STXBP5L: variants seen among roughly 807,000 people sequenced by gnomAD.
The protein encoded by STXBP5L is syntaxin-binding protein 5-like.
Under a neutral mutation model 144.5 loss-of-function variants are expected in STXBP5L, and 65 were observed. The ratio of observed to expected loss-of-function variants is 0.45; its 90% CI spans 0.37 to 0.55. The LOEUF is 0.55. STXBP5L is among the 20% of genes least tolerant of loss of function. STXBP5L has a pLI of 0.00. For missense variants in STXBP5L, 1,298 were observed against 1,405.5 expected (o/e 0.92, Z 1.22); for synonymous variants, 505 against 469.6 (o/e 1.08, Z -0.97).
At chr3:120,979,275 C>G (rs973751659) in intron 3 of STXBP5L, among the ~76,000 whole-genome samples, 1 of 152,246 alleles carries the variant, frequency 6.6e-6, no homozygotes, top group Non-Finnish European at 1.5e-5. Context: ...CCCAGCCTCA[C>G]TGCCGCCTTG....
intron 11 of STXBP5L, among the ~76,000 whole-genome samples, chr3:121,228,381 A>G (rs1376954146): frequency 6.6e-6 from 1 of 152,166 alleles, no homozygotes; most frequent in Non-Finnish European, 1.5e-5. Context: ...ACATAAAGAA[A>G]AGCCAAGAGT....
At chr3:121,280,018 A>G in intron 19 of STXBP5L, 62 bp downstream of exon 19, 1 of 1,553,696 alleles carries the variant, frequency 6.4e-7, no homozygotes, top group Non-Finnish European at 8.7e-7. Flanking sequence ...TTATTTTTAG[A>G]TTTCTTGTCT....
chr3:121,007,249 A>C (rs558672975), intron 3 of STXBP5L, among the ~76,000 whole-genome samples: 1 of 152,062 alleles, frequency 6.6e-6, no homozygotes, highest in Non-Finnish European at 1.5e-5. Context: ...CTTGATTATG[A>C]TACATTATCT....
At position 120,962,715 on chromosome 3, in the gene STXBP5L, G is replaced by C. The variant is rs547334633; in HGVS notation, c.287+7678G>C. The stretch of plus-strand genomic sequence containing the variant: ...TAGTTTGAAGTCAGGTAGCATGATG[G>C]CTCCAGCTTTGTTCATTTTGCTTAG... On this transcript the variant is annotated intron_variant, in intron 3 of 26. Transcript: ENST00000471454. 1.1e-4 allele frequency among the ~76,000 whole-genome samples: 17 copies of C among 152,172 alleles called. No individual in the cohort carries two copies. The East Asian group carries it at 1.5e-3, about 14-fold the overall frequency.
intron 20 of STXBP5L, among the ~76,000 whole-genome samples, chr3:121,368,597 T>C (rs1432987457): frequency 6.6e-6 from 1 of 152,160 alleles, no homozygotes. Flanking sequence ...GTAATAACTC[T>C]GGAAATCATA....
At chr3:121,376,984 G>A (rs966375485) in intron 20 of STXBP5L, among the ~76,000 whole-genome samples, 18 of 152,046 alleles carry the variant, frequency 1.2e-4, no homozygotes, top group Admixed American at 9.8e-4. Flanking sequence ...TATTCTCTTT[G>A]AAGCAATTGT....
At chr3:121,382,922 G>A (rs2108685286) in intron 22 of STXBP5L, among the ~76,000 whole-genome samples, 1 of 152,092 alleles carries the variant, frequency 6.6e-6, no homozygotes, top group African/African-American at 2.4e-5. Flanking sequence ...GATTTAATGG[G>A]AAGCTATCTT....
At chr3:121,015,942 C>G (rs1945114836) in intron 3 of STXBP5L, among the ~76,000 whole-genome samples, 1 of 152,108 alleles carries the variant, frequency 6.6e-6, no homozygotes, top group Admixed American at 6.6e-5. Flanking sequence ...TTTTCCTTCT[C>G]CCACATCTTA....
intron 5 of STXBP5L, among the ~76,000 whole-genome samples, chr3:121,084,478 A>T (rs2042395415): frequency 6.6e-6 from 1 of 152,096 alleles, no homozygotes; most frequent in East Asian, 1.9e-4. Context: ...TGTTCCTGTG[A>T]TACATGGCTG....
At chr3:121,006,911 A>G (rs577379293) in intron 3 of STXBP5L, among the ~76,000 whole-genome samples, 9 of 152,306 alleles carry the variant, frequency 5.9e-5, no homozygotes, top group Non-Finnish European at 1.2e-4. Context: ...GTTTCTGCTG[A>G]GAGATCACCT....
chr3:120,934,270 G>A (rs527507587), intron 2 of STXBP5L, among the ~76,000 whole-genome samples: 11 of 152,036 alleles, frequency 7.2e-5, no homozygotes, highest in African/African-American at 2.4e-4. Context: ...CTATTTAGAA[G>A]TGTGTTGTCT....
chr3:121,250,818 C>A (rs1577304935), intron 15 of STXBP5L, 55 bp downstream of exon 15: 8 of 1,447,664 alleles, frequency 5.5e-6, no homozygotes, highest in Non-Finnish European at 7.6e-6. Context: ...TTACTTATAG[C>A]CAGCTACCAC....
At chr3:121,094,480 G>A (rs1239301231) in intron 5 of STXBP5L, among the ~76,000 whole-genome samples, 1 of 152,104 alleles carries the variant, frequency 6.6e-6, no homozygotes, top group East Asian at 1.9e-4. Context: ...TATATATTTA[G>A]GATAGTTAGC....
At chr3:121,388,898 G>A (rs1252773966) in intron 22 of STXBP5L, among the ~76,000 whole-genome samples, 1 of 152,162 alleles carries the variant, frequency 6.6e-6, no homozygotes, top group Non-Finnish European at 1.5e-5. Flanking sequence ...GATGATGTGG[G>A]CCTCATAAAA....
At chr3:121,004,497 CAG>C (rs1944091172) in intron 3 of STXBP5L, among the ~76,000 whole-genome samples, 1 of 151,716 alleles carries the variant, frequency 6.6e-6, no homozygotes, top group Non-Finnish European at 1.5e-5. Context: ...CGTCTGCAAA[CAG>C]GGACAATTTG....
At chr3:120,951,094 A>G (rs1711188780) in intron 2 of STXBP5L, among the ~76,000 whole-genome samples, 1 of 152,172 alleles carries the variant, frequency 6.6e-6, no homozygotes, top group Non-Finnish European at 1.5e-5. Context: ...AAAACTGGCT[A>G]GCCATATGTA....
chr3:121,009,362 C>G (rs1333011661), intron 3 of STXBP5L, among the ~76,000 whole-genome samples: 17 of 152,118 alleles, frequency 1.1e-4, no homozygotes, highest in African/African-American at 3.9e-4. Flanking sequence ...ACCAACCAAT[C>G]ATGCCATTTG....
At chr3:121,060,764 G>A (rs557651436) in intron 5 of STXBP5L, among the ~76,000 whole-genome samples, 1 of 152,114 alleles carries the variant, frequency 6.6e-6, no homozygotes, top group East Asian at 1.9e-4. Context: ...TTCCATAGAG[G>A]TGTTTATAGT....
At chr3:120,929,775 A>G (rs1383865923) in intron 2 of STXBP5L, among the ~76,000 whole-genome samples, 1 of 152,014 alleles carries the variant, frequency 6.6e-6, no homozygotes, top group East Asian at 1.9e-4. Context: ...ATTTAGAAAT[A>G]TTTTTACTAA....
Sources: allele counts gnomAD v4.1 joint callset (sites outside exome capture counted in the v4.1 genomes callset), GRCh38; gene constraint gnomAD v4.1.1; transcripts MANE v1.5; gene names NCBI Gene and HGNC (gene_info 2026-07-23, HGNC 2026-07-21).